The following KSR2 variants were observed in gnomAD, a reference collection of about 807,000 sequenced individuals.
KSR2 encodes kinase suppressor of ras 2.
In KSR2, 25 loss-of-function variants were observed where a neutral mutation model predicts 107.8. The ratio of observed to expected loss-of-function variants is 0.23; its 90% CI spans 0.17 to 0.32. The LOEUF (loss-of-function observed/expected upper bound fraction) is 0.32. Among genes scored for constraint, KSR2 ranks in the 10% least tolerant of loss-of-function variants. The probability of loss-of-function intolerance (pLI) is 1.00; values close to 1 mark genes in which losing one functional copy is unlikely to be tolerated. For missense variants in KSR2, 887 were observed against 1,268.9 expected, an observed-to-expected ratio of 0.70 and a Z score of 4.57; for synonymous variants, 480 against 507.0, an observed-to-expected ratio of 0.95 and a Z score of 0.71.
rs566776619 is a variant in KSR2, at chr12:117,687,622, A to T, written c.987-19964T>A. On this transcript the variant is annotated intron_variant, in intron 4 of 19. Coordinates refer to ENST00000339824, the MANE Select transcript of KSR2 (RefSeq NM_173598.6). The stretch of plus-strand genomic sequence containing the variant: ...CCAATAGCCTGTACTGCTGTCTTGC[A>T]GAGGACACTGGTTTTGTGACCGTCT... Among the ~76,000 whole-genome samples, 17 of 152,282 alleles carry T rather than the reference A, an allele frequency of 1.1e-4. No individual in the cohort carries two copies. In the South Asian group the frequency reaches 1.9e-3, roughly 17 times the overall value.
intron 3 of KSR2, among the ~76,000 whole-genome samples, chr12:117,779,798 A>G (rs761328380): frequency 3.4e-4 from 52 of 152,206 alleles, no homozygotes; most frequent in Non-Finnish European, 6.0e-4. Context: ...ATGCAGAACT[A>G]TAAGTCAATT....
chr12:117,477,389 G>GT, intron 16 of KSR2, among the ~76,000 whole-genome samples: 1 of 152,338 alleles, frequency 6.6e-6, no homozygotes, highest in African/African-American at 2.4e-5. Flanking sequence ...AATCTACTGT[G>GT]TTTTTCCATC....
At chr12:117,542,630 A>G (rs1011842940) in intron 9 of KSR2, among the ~76,000 whole-genome samples, 2 of 152,020 alleles carry the variant, frequency 1.3e-5, no homozygotes, top group Admixed American at 6.5e-5. Context: ...TATTCTCCAT[A>G]TCTGTCCAGT....
intron 1 of KSR2, among the ~76,000 whole-genome samples, chr12:117,958,103 G>T (rs1476056273): frequency 1.3e-5 from 2 of 152,136 alleles, no homozygotes; most frequent in Non-Finnish European, 2.9e-5. Context: ...AAAGTCCTGG[G>T]ATTACAGGCG....
chr12:117,645,936 T>C (rs1883613606), intron 5 of KSR2, among the ~76,000 whole-genome samples: 1 of 149,726 alleles, frequency 6.7e-6, no homozygotes, highest in African/African-American at 2.5e-5. Context: ...TCAGTATCCA[T>C]AGGGGGTTGG....
At chr12:117,776,521 G>A (rs1303410698) in intron 3 of KSR2, among the ~76,000 whole-genome samples, 2 of 152,100 alleles carry the variant, frequency 1.3e-5, no homozygotes, top group Non-Finnish European at 2.9e-5. Flanking sequence ...AAATACTCAA[G>A]ATACCATCCT....
chr12:117,945,328 A>C (rs7134419), intron 1 of KSR2, among the ~76,000 whole-genome samples: 126,283 of 152,158 alleles, frequency 0.83, 52,534 homozygotes, highest in Admixed American at 0.88. Flanking sequence ...AAAAAGAAAT[A>C]TTAAACATTT....
chr12:117,586,765 T>C (rs1880025674), intron 5 of KSR2, among the ~76,000 whole-genome samples: 1 of 151,880 alleles, frequency 6.6e-6, no homozygotes, highest in African/African-American at 2.4e-5. Context: ...CACTACAGAG[T>C]ATACACACAC....
rs1249299493 is a variant in KSR2 at position 117,507,201 on chromosome 12, T to C, written c.2219+17651A>G. On this transcript the variant is annotated intron_variant, in intron 14 of 19. Transcript: ENST00000339824. ...GATGGGCAGCAGTGTGCCCGTTCTA[T>C]ACAGCAGGAAGCTGAGGATCACAGA... Among the ~76,000 whole-genome samples the C allele has an allele frequency of 2.0e-5, 3 of 152,318 alleles. No homozygotes were observed. The East Asian group carries it at 5.8e-4, about 29-fold the overall frequency.
chr12:117,503,139 AG>A (rs1475398209), intron 14 of KSR2, among the ~76,000 whole-genome samples: 1 of 152,206 alleles, frequency 6.6e-6, no homozygotes, highest in East Asian at 1.9e-4. Flanking sequence ...CCTAGAGGTT[AG>A]GAGCTTGGAA....
chr12:117,527,033 C>A, intron 13 of KSR2, 38 bp downstream of exon 13: 1 of 1,597,730 alleles, frequency 6.3e-7, no homozygotes, highest in Non-Finnish European at 8.6e-7. Context: ...TCTGGGCAGT[C>A]CCTGGAAAAT....
intron 5 of KSR2, among the ~76,000 whole-genome samples, chr12:117,600,821 T>TG (rs1460334404): frequency 6.6e-6 from 1 of 152,072 alleles, no homozygotes; most frequent in Non-Finnish European, 1.5e-5. Context: ...GATATCACCC[T>TG]GGGGAGAGGG....
At position 117,761,223 on chromosome 12, in the gene KSR2, G is replaced by C; in HGVS notation, c.774C>G (p.Val258=). ...LPPSPRQRHA[V]RTPPRTPNIV... is the part of the protein sequence containing the mutation. ...TGTTGGGGGTGCGCGGCGGGGTGCGGACCGCGTGCCGCTGCCGGGGCGATG... is the reference window on the plus strand; with the variant it reads ...TGTTGGGGGTGCGCGGCGGGGTGCGCACCGCGTGCCGCTGCCGGGGCGATG... The change falls in exon 4 of 20, where the codon GTC becomes GTG. Residue 258 remains valine (V), a synonymous_variant. Coordinates refer to ENST00000339824, the MANE Select transcript of KSR2 (RefSeq NM_173598.6). The C allele has an allele frequency of 1.9e-6, 3 of 1,553,112 alleles. No homozygotes were observed. The highest frequency in any genetic ancestry group is 2.6e-6 in the Non-Finnish European group (3 of 1,150,208).
At chr12:117,794,712 C>T (rs903933491) in intron 3 of KSR2, among the ~76,000 whole-genome samples, 11 of 152,066 alleles carry the variant, frequency 7.2e-5, no homozygotes, top group Non-Finnish European at 1.3e-4. Context: ...AACATGCACA[C>T]ATACACACCA....
intron 1 of KSR2, among the ~76,000 whole-genome samples, chr12:117,932,414 T>G (rs1895718855): frequency 6.6e-6 from 1 of 151,916 alleles, no homozygotes; most frequent in Non-Finnish European, 1.5e-5. Flanking sequence ...ATCATAACAC[T>G]ACAGTCAAAA....
chr12:117,492,118 G>A (rs1181149876), intron 14 of KSR2, among the ~76,000 whole-genome samples: 3 of 152,150 alleles, frequency 2.0e-5, no homozygotes, highest in African/African-American at 7.2e-5. Context: ...TTATCTGCAG[G>A]CTACCCCACC....
Position 117,793,382 on chromosome 12 carries a change from A to G in KSR2, c.473-31858T>C, listed in dbSNP as rs200949967. Among the ~76,000 whole-genome samples, 65 of 141,194 alleles carry G rather than the reference A, an allele frequency of 4.6e-4. No individual in the cohort carries two copies. The East Asian group carries it at 0.012, about 25-fold the overall frequency. 92.6% of individuals were successfully genotyped at this position (141,194 alleles called of 152,430 possible). A position where few individuals can be genotyped will look rare whatever the true frequency, so the allele number is the denominator to read the frequency against. The stretch of plus-strand genomic sequence containing the variant: ...CCTCACACCAACATGCACACACACC[A>G]CTGTGCACCCATACCAACATGCACA... On this transcript the variant is annotated intron_variant, in intron 3 of 19. Transcript: ENST00000339824.
At chr12:117,739,763 A>C (rs1888100745) in intron 4 of KSR2, among the ~76,000 whole-genome samples, 1 of 152,088 alleles carries the variant, frequency 6.6e-6, no homozygotes, top group African/African-American at 2.4e-5. Context: ...TAGAGACAGG[A>C]TGAGGTAAGA....
At chr12:117,664,460 G>T (rs1280166885) in intron 5 of KSR2, among the ~76,000 whole-genome samples, 1 of 152,142 alleles carries the variant, frequency 6.6e-6, no homozygotes. Flanking sequence ...GCTGCCACCA[G>T]GGCCCAAAAG....
Sources: gnomAD v4.1 joint callset for allele counts (sites outside exome capture counted in the v4.1 genomes callset) on GRCh38, gnomAD v4.1.1 for gene constraint, MANE v1.5 for transcripts, NCBI Gene and HGNC (gene_info 2026-07-23, HGNC 2026-07-21) for gene names.